Variants in AOPEP observed in about 807,000 individuals in gnomAD.
AOPEP encodes aminopeptidase O (putative).
In AOPEP, 77 loss-of-function variants were observed where a neutral mutation model predicts 98.1. The observed-to-expected ratio is 0.78, with a 90% CI of 0.65 to 0.95. The LOEUF is 0.95. Ranked by LOEUF, AOPEP falls within the 40% of genes least tolerant of loss-of-function variation. The pLI is 0.00. For synonymous variants in AOPEP, 346 were observed against 365.3 expected (o/e 0.95, Z 0.60); for missense variants, 1,024 against 1,024.7 (o/e 1.00, Z 0.01).
chr9:95,002,179 T>G (rs559231721), intron 11 of AOPEP, among the ~76,000 whole-genome samples: 152 of 152,258 alleles, frequency 1.0e-3, no homozygotes, highest in African/African-American at 3.6e-3. Flanking sequence ...ATTTTAGTGG[T>G]GAAACAAACA....
chr9:95,085,645 G>C (rs2070567109), intron 16 of AOPEP: 1 of 367,278 alleles, frequency 2.7e-6, no homozygotes, highest in Admixed American at 3.8e-5. Flanking sequence ...CCTGGAGGAT[G>C]AGAGACCACT....
At position 94,916,288 on chromosome 9, in the gene AOPEP, C is replaced by T. The variant is rs1315613573; in HGVS notation, c.1365-7698C>T. Among the ~76,000 whole-genome samples, 5 of 152,128 alleles carry T rather than the reference C, an allele frequency of 3.3e-5. No individual in the cohort carries two copies. The East Asian group carries it at 5.8e-4, about 18-fold the overall frequency. On this transcript the variant is annotated intron_variant, in intron 5 of 16. Coordinates refer to ENST00000375315, the MANE Select transcript of AOPEP (RefSeq NM_001193329.3). Reference sequence around the variant, plus strand: ...GAGTGGAATCACATTTTGTCATCTGCGTGCTCCAATGAGGCTGCCGACATG... The same window carrying T: ...GAGTGGAATCACATTTTGTCATCTGTGTGCTCCAATGAGGCTGCCGACATG...
At position 94,980,549 on chromosome 9, in the gene AOPEP, A is replaced by G. The variant is rs1253779295; in HGVS notation, c.1977+1122A>G. 6.6e-6 allele frequency among the ~76,000 whole-genome samples: 1 copy of G among 152,250 alleles called. No individual in the cohort carries two copies. The highest frequency in any genetic ancestry group is 1.5e-5 in the Non-Finnish European group (1 of 68,032). On this transcript the variant is annotated intron_variant, in intron 11 of 16. Transcript: ENST00000375315. The surrounding 1 kb of genome is among the most constrained non-coding windows in gnomAD (Gnocchi z 4.3). ...CCTCACATCTTTGTCCATTTTCACC[A>G]CAGGGGAAATGTCAGCCATCAGCAA... is the stretch of plus-strand genomic sequence containing the variant.
Position 94,956,032 on chromosome 9 carries a change from C to A in AOPEP, c.1872+17C>A, listed in dbSNP as rs1244205760. 1 of 1,442,632 alleles carries A rather than the reference C, an allele frequency of 6.9e-7. No individual in the cohort carries two copies. The highest frequency in any genetic ancestry group is 9.8e-7 in the Non-Finnish European group (1 of 1,024,622). The allele number at this position is 1,442,632 out of a possible 1,614,324, so 89.4% of individuals were successfully genotyped here. On this transcript the variant is annotated intron_variant, in intron 9 of 16. Transcript: ENST00000375315. ...CTTTCCCAGGTAACTTATGGGTCCTCATGAGTCCATGATGTATGACTGGAG... is the reference window on the plus strand; with the variant it reads ...CTTTCCCAGGTAACTTATGGGTCCTAATGAGTCCATGATGTATGACTGGAG...
the AOPEP span, among the ~76,000 whole-genome samples, chr9:95,131,872 G>A: frequency 5.9e-5 from 9 of 152,086 alleles, no homozygotes; most frequent in Admixed American, 1.3e-4. Flanking sequence ...TCTTTCTGAA[G>A]TGCTACAATT....
intron 10 of AOPEP, among the ~76,000 whole-genome samples, chr9:94,973,721 C>T (rs1032168546): frequency 6.6e-6 from 1 of 152,208 alleles, no homozygotes; most frequent in African/African-American, 2.4e-5. Flanking sequence ...AGTACGGATA[C>T]GCAGGACTCG....
the AOPEP span, chr9:95,126,423 A>C: frequency 2.7e-6 from 3 of 1,119,984 alleles, no homozygotes; most frequent in Admixed American, 1.9e-5. Flanking sequence ...CAGAAACTCT[A>C]ATTTCCCCAT....
Position 94,776,450 on chromosome 9 carries a change from C to T in AOPEP, c.964+3282C>T, listed in dbSNP as rs192826502. Among the ~76,000 whole-genome samples the T allele has an allele frequency of 1.1e-3, 173 of 152,240 alleles. 1 individual carries two copies. Among genetic ancestry groups the T allele is most frequent in the African/African-American group, 4.0e-3 (166 of 41,542 alleles). The stretch of plus-strand genomic sequence containing the variant: ...CCGAGTAGCTGGGACTACAGGCGCA[C>T]GCCGCCATGCCTGGCTAATGTTTTG... On this transcript the variant is annotated intron_variant, in intron 3 of 16. Coordinates refer to ENST00000375315, the MANE Select transcript of AOPEP (RefSeq NM_001193329.3).
At chr9:94,780,242 A>T (rs1271609051) in intron 3 of AOPEP, among the ~76,000 whole-genome samples, 1 of 152,224 alleles carries the variant, frequency 6.6e-6, no homozygotes, top group Admixed American at 6.5e-5. Context: ...GACCTCTGTC[A>T]TATTCATCTG....
At chr9:94,761,646 C>T (rs1298673567) in intron 2 of AOPEP, among the ~76,000 whole-genome samples, 1 of 152,176 alleles carries the variant, frequency 6.6e-6, no homozygotes, top group African/African-American at 2.4e-5. Context: ...TCTAATTATT[C>T]ATTCCTTGCC....
chr9:95,082,850 G>A (rs1483694204), intron 16 of AOPEP, 131 bp downstream of exon 16: 2 of 1,064,450 alleles, frequency 1.9e-6, no homozygotes, highest in Non-Finnish European at 2.7e-6. Context: ...CTGGCCCAGG[G>A]CCTGGAGAGT....
chr9:95,100,611 A>ATGTT, the AOPEP span: 1 of 230,212 alleles, frequency 4.3e-6, no homozygotes. Flanking sequence ...CATGAAATAA[A>ATGTT]TGTTAACCTT....
At chr9:95,129,785 C>CA in the AOPEP span, among the ~76,000 whole-genome samples, 1 of 152,168 alleles carries the variant, frequency 6.6e-6, no homozygotes, top group African/African-American at 2.4e-5. Flanking sequence ...TATCTCCCCC[C>CA]TCAGGCTTTT....
At chr9:94,820,926 G>T (rs192088551) in intron 5 of AOPEP, among the ~76,000 whole-genome samples, 1 of 152,150 alleles carries the variant, frequency 6.6e-6, no homozygotes, top group East Asian at 1.9e-4. Flanking sequence ...CTAAGACCTT[G>T]TTTAATAAAC....
At chr9:94,877,482 G>A (rs1474936949) in intron 5 of AOPEP, among the ~76,000 whole-genome samples, 9 of 149,170 alleles carry the variant, frequency 6.0e-5, no homozygotes, top group African/African-American at 2.2e-4. Flanking sequence ...GAGTGCAGTG[G>A]TGCGATCTCG....
chr9:94,730,342 A>G (rs1415551715), intron 1 of AOPEP, among the ~76,000 whole-genome samples: 1 of 150,568 alleles, frequency 6.6e-6, no homozygotes, highest in Non-Finnish European at 1.5e-5. Flanking sequence ...TCTAGTATAA[A>G]TTTTATAAAC....
At chr9:94,821,827 C>T (rs1177935517) in intron 5 of AOPEP, among the ~76,000 whole-genome samples, 1 of 152,062 alleles carries the variant, frequency 6.6e-6, no homozygotes, top group Non-Finnish European at 1.5e-5. Flanking sequence ...TTATCTCAGC[C>T]TTAGTAAGGC....
chr9:94,971,491 A>G (rs1183675385), intron 10 of AOPEP, among the ~76,000 whole-genome samples: 2 of 152,108 alleles, frequency 1.3e-5, no homozygotes, highest in Non-Finnish European at 2.9e-5. Flanking sequence ...ATATTGTACC[A>G]ATTTTATCTA....
chr9:94,897,174 A>G (rs190847439), intron 5 of AOPEP, among the ~76,000 whole-genome samples: 1 of 152,116 alleles, frequency 6.6e-6, no homozygotes, highest in African/African-American at 2.4e-5. Flanking sequence ...ATTTCTATCT[A>G]AAACATGTTA....
Sources: allele counts gnomAD v4.1 joint callset (sites outside exome capture counted in the v4.1 genomes callset), GRCh38; gene constraint gnomAD v4.1.1; non-coding constraint Gnocchi (gnomAD v3.1); transcripts MANE v1.5; gene names NCBI Gene and HGNC (gene_info 2026-07-23, HGNC 2026-07-21).